The following LSM6 variants were observed in gnomAD, a reference collection of about 807,000 sequenced individuals.
The protein encoded by LSM6 is LSM6 homolog, U6 small nuclear RNA and mRNA degradation associated, also known as U6 snRNA-associated Sm-like protein LSm6.
Under a neutral mutation model 13.5 loss-of-function variants are expected in LSM6, and 2 were observed. The ratio of observed to expected loss-of-function variants is 0.15; its 90% CI spans 0.06 to 0.47. LSM6 has a LOEUF of 0.47. Among genes scored for constraint, LSM6 ranks in the 20% least tolerant of loss-of-function variants. LSM6 has a pLI of 0.97. For synonymous variants in LSM6, 43 were observed against 34.9 expected (o/e 1.23, Z -0.82); for missense variants, 58 against 96.4 (o/e 0.60, Z 1.67).
Position 146,189,956 on chromosome 4 carries a change from C to T in LSM6, c.*300C>T, listed in dbSNP as rs533869112. Reference sequence around the variant, plus strand: ...ATTTAACTTAAGTTTCGAGAAGTGTCATTTCATTTGACTTGCTTTTCTTAT... The same window carrying T: ...ATTTAACTTAAGTTTCGAGAAGTGTTATTTCATTTGACTTGCTTTTCTTAT... On this transcript the variant is annotated 3_prime_UTR_variant, in exon 4 of 4. Transcript: ENST00000296581. The T allele has an allele frequency of 9.1e-5, 25 of 274,810 alleles. 1 individual carries two copies. In the South Asian group the frequency reaches 1.9e-3, roughly 21 times the overall value. 17.0% of individuals were successfully genotyped at this position (274,810 alleles called of 1,614,324 possible). A position where few individuals can be genotyped will look rare whatever the true frequency, so the allele number is the denominator to read the frequency against.
intron 1 of LSM6, among the ~76,000 whole-genome samples, chr4:146,181,557 T>A (rs1477843997): frequency 2.0e-5 from 3 of 152,208 alleles, no homozygotes; most frequent in African/African-American, 7.2e-5. Flanking sequence ...AAACTCAGAT[T>A]ATTGAGTGGA....
rs1169298717 is a variant in LSM6, at chr4:146,189,653, G to A, written c.240G>A (p.Met80Ile). 3.1e-6 allele frequency: 5 copies of A among 1,600,920 alleles called. No homozygotes were observed. Among genetic ancestry groups the A allele is most frequent in the Non-Finnish European group, 4.3e-6 (5 of 1,172,864 alleles). Residue 80 changes from methionine to isoleucine, a missense_variant, in exon 4 of 4, where the codon ATG becomes ATA. Met to Ile is a conservative substitution (Grantham distance 10). This residue lies in a region of LSM6 where 23 missense variants were observed against 27.5 expected (regional missense o/e 0.84). Transcript: ENST00000296581. ...ACATCAGTACACAGAAGAGACGGAT[G>A]TGAAGACACCAAGAGAGCAACGCTT... Reference protein sequence around the residue: ...VLYISTQKRRM With the variant: ...VLYISTQKRRI
At chr4:146,188,089 C>T (rs906360553) in intron 3 of LSM6, among the ~76,000 whole-genome samples, 11 of 152,110 alleles carry the variant, frequency 7.2e-5, no homozygotes, top group Non-Finnish European at 1.6e-4. Context: ...CTTCAACCCC[C>T]TAAATAGTTG....
At position 146,189,718 on chromosome 4, in the gene LSM6, T is replaced by C. The variant is rs551639572; in HGVS notation, c.*62T>C. The C allele has an allele frequency of 1.0e-5, 13 of 1,299,050 alleles. 1 individual carries two copies. The South Asian group carries it at 1.8e-4, about 18-fold the overall frequency. The allele number at this position is 1,299,050 out of a possible 1,614,324, so 80.5% of individuals were successfully genotyped here. ...TATTTTTTTATGAATTTTTTCTAATTTTTGCTTCTTTTGTGATACAATTTG... is the reference window on the plus strand; with the variant it reads ...TATTTTTTTATGAATTTTTTCTAATCTTTGCTTCTTTTGTGATACAATTTG... On this transcript the variant is annotated 3_prime_UTR_variant, in exon 4 of 4. Transcript: ENST00000296581.
chr4:146,180,741 T>A lies in LSM6; in HGVS notation c.-10-2171T>A, dbSNP rs796819909. On this transcript the variant is annotated intron_variant, in intron 1 of 3. Coordinates refer to ENST00000296581, the MANE Select transcript of LSM6 (RefSeq NM_007080.3). ...GCTACTTTTATCTCAGTTTTATACA[T>A]AATGAAACTGTGGCATAATGGGATT... is the stretch of plus-strand genomic sequence containing the variant. The A allele has an allele frequency of 9.8e-5, 15 of 152,350 alleles. 1 individual carries two copies. The highest frequency in any genetic ancestry group is 3.6e-4 in the African/African-American group (15 of 41,582). 9.4% of individuals were successfully genotyped at this position (152,350 alleles called of 1,614,324 possible). A position where few individuals can be genotyped will look rare whatever the true frequency, so the allele number is the denominator to read the frequency against.
At chr4:146,180,449 A>T (rs1355023305) in intron 1 of LSM6, among the ~76,000 whole-genome samples, 1 of 152,242 alleles carries the variant, frequency 6.6e-6, no homozygotes, top group Non-Finnish European at 1.5e-5. Context: ...GCTTAGAAGA[A>T]CATATCTGTG....
rs1730455179 is a variant in LSM6, at chr4:146,190,878, CTGCT to C, written c.*1225_*1228del. ...GAGCCGATGGTGTGATTCGAAACAA[CTGCT>C]TGGTTGAAGGATGGGGGGCAGGATC... On this transcript the variant is annotated 3_prime_UTR_variant, in exon 4 of 4. Coordinates refer to ENST00000296581, the MANE Select transcript of LSM6 (RefSeq NM_007080.3). 1 of 152,190 alleles carries C rather than the reference CTGCT, an allele frequency of 6.6e-6. No individual in the cohort carries two copies. The highest frequency in any genetic ancestry group is 2.4e-5 in the African/African-American group (1 of 41,400). The allele number at this position is 152,190 out of a possible 1,614,324, so 9.4% of individuals were successfully genotyped here.
At chr4:146,176,059 C>A (rs1247639341) in intron 1 of LSM6, 10 of 152,418 alleles carry the variant, frequency 6.6e-5, no homozygotes, top group Admixed American at 6.5e-4. Context: ...ATGGTGGGCG[C>A]CGGGACCGCC....
intron 1 of LSM6, among the ~76,000 whole-genome samples, chr4:146,178,655 G>A (rs1730165239): frequency 6.6e-6 from 1 of 152,234 alleles, no homozygotes; most frequent in Non-Finnish European, 1.5e-5. Context: ...CAAGAAATAA[G>A]GATTTTCATG....
intron 3 of LSM6, among the ~76,000 whole-genome samples, chr4:146,189,239 C>T (rs559819172): frequency 9.9e-5 from 15 of 152,274 alleles, no homozygotes; most frequent in Admixed American, 1.3e-4. Flanking sequence ...GTGATCCACC[C>T]GCTTCAGCCT....
chr4:146,181,366 CT>C lies in LSM6; in HGVS notation c.-10-1545del, dbSNP rs1467289173. 9 of 152,206 alleles carry C rather than the reference CT, an allele frequency of 5.9e-5. 1 individual carries two copies. The East Asian group carries it at 1.7e-3, about 29-fold the overall frequency. 9.4% of individuals were successfully genotyped at this position (152,206 alleles called of 1,614,324 possible). On this transcript the variant is annotated intron_variant, in intron 1 of 3. Coordinates refer to ENST00000296581, the MANE Select transcript of LSM6 (RefSeq NM_007080.3). ...ACTCTTTAAATGAGTTTAAATTCTTCTAGATTTTAAGTTCTTTAAGGCAGAG... is the reference window on the plus strand; with the variant it reads ...ACTCTTTAAATGAGTTTAAATTCTTCAGATTTTAAGTTCTTTAAGGCAGAG...
At chr4:146,178,393 C>T (rs1183224030) in intron 1 of LSM6, among the ~76,000 whole-genome samples, 1 of 152,102 alleles carries the variant, frequency 6.6e-6, no homozygotes, top group Non-Finnish European at 1.5e-5. Flanking sequence ...GAGAAGTAGC[C>T]CCTGCTGCCG....
In LSM6 at chr4:146,189,698, T is replaced by G; in HGVS notation, c.*42T>G. On this transcript the variant is annotated 3_prime_UTR_variant, in exon 4 of 4. Coordinates refer to ENST00000296581, the MANE Select transcript of LSM6 (RefSeq NM_007080.3). ...ACGCTTTTCATAGTTGGATATATTT[T>G]TTTATGAATTTTTTCTAATTTTTGC... is the stretch of plus-strand genomic sequence containing the variant. 6.7e-7 allele frequency: 1 copy of G among 1,497,040 alleles called. No homozygotes were observed. Among genetic ancestry groups the G allele is most frequent in the Non-Finnish European group, 9.1e-7 (1 of 1,099,164 alleles). The allele number at this position is 1,497,040 out of a possible 1,614,324, so 92.7% of individuals were successfully genotyped here.
At chr4:146,186,222 G>A (rs1417882432) in intron 2 of LSM6, among the ~76,000 whole-genome samples, 9 of 152,206 alleles carry the variant, frequency 5.9e-5, no homozygotes, top group Admixed American at 1.3e-4. Flanking sequence ...GTCCATTCTC[G>A]TTCTTTGAGA....
Position 146,182,941 on chromosome 4 carries a change from C to T in LSM6, c.20C>T (p.Thr7Ile). The part of the protein sequence containing the change: MSLRKQ[T>I]PSDFLKQIIG... ...GTTAAAATGAGTCTTCGGAAGCAAA[C>T]CCCTAGTGACTTCTTAAAGCAAATC... The change falls in exon 2 of 4, where the codon ACC becomes ATC. Residue 7 changes from threonine (T) to isoleucine (I), a missense_variant. Thr to Ile is a moderately conservative substitution (Grantham distance 89). This residue lies in a region of LSM6 where 28 missense variants were observed against 32.6 expected (regional missense o/e 0.86). Coordinates refer to ENST00000296581, the MANE Select transcript of LSM6 (RefSeq NM_007080.3). 6.2e-7 allele frequency: 1 copy of T among 1,612,458 alleles called. No homozygotes were observed. Among genetic ancestry groups the T allele is most frequent in the Non-Finnish European group, 8.5e-7 (1 of 1,178,560 alleles).
chr4:146,177,019 G>A (rs1215937240), intron 1 of LSM6, among the ~76,000 whole-genome samples: 2 of 137,126 alleles, frequency 1.5e-5, no homozygotes, highest in African/African-American at 5.7e-5. Flanking sequence ...TGAGAGGCTT[G>A]TGTTTGTGGT....
At chr4:146,181,874 C>G (rs562990220) in intron 1 of LSM6, among the ~76,000 whole-genome samples, 4 of 152,066 alleles carry the variant, frequency 2.6e-5, no homozygotes, top group Admixed American at 2.6e-4. Context: ...AGAAAAGATG[C>G]GTTTTGAAAG....
intron 2 of LSM6, among the ~76,000 whole-genome samples, chr4:146,186,274 T>G (rs1275255561): frequency 6.6e-6 from 1 of 152,222 alleles, no homozygotes; most frequent in African/African-American, 2.4e-5. Flanking sequence ...TAATGTCTTT[T>G]GCTGTCATTA....
intron 1 of LSM6, chr4:146,176,811 T>G (rs1199406147): frequency 2.6e-5 from 4 of 152,122 alleles, no homozygotes; most frequent in Admixed American, 1.3e-4. Context: ...GCATCCCAGA[T>G]AGTGCTTTGA....
Sources: gnomAD v4.1 joint callset for allele counts (sites outside exome capture counted in the v4.1 genomes callset) on GRCh38, gnomAD v4.1.1 for gene constraint, gnomAD v4.1.1 regional missense constraint, MANE v1.5 for transcripts, NCBI Gene and HGNC (gene_info 2026-07-23, HGNC 2026-07-21) for gene names.